TRIM5: variants seen among roughly 807,000 people sequenced by gnomAD.
The protein encoded by TRIM5 is tripartite motif containing 5.
In TRIM5, 31 loss-of-function variants were observed where a neutral mutation model predicts 35.6. The ratio of observed to expected loss-of-function variants is 0.87; its 90% CI spans 0.65 to 1.18. The LOEUF is 1.18. TRIM5 is among the 50% of genes most tolerant of loss of function. TRIM5 has a pLI of 0.00. For synonymous variants in TRIM5, 243 were observed against 215.6 expected (o/e 1.13, Z -1.11); for missense variants, 609 against 591.6 (o/e 1.03, Z -0.31).
intron 4 of TRIM5, among the ~76,000 whole-genome samples, chr11:5,670,428 CA>C (rs771109437): frequency 6.6e-6 from 1 of 151,830 alleles, no homozygotes; most frequent in Non-Finnish European, 1.5e-5. Context: ...CTCGGCCTCC[CA>C]AAGTGCTAGG....
At chr11:5,639,498 GT>G in the TRIM5 span, among the ~76,000 whole-genome samples, 3 of 151,854 alleles carry the variant, frequency 2.0e-5, no homozygotes, top group Non-Finnish European at 4.4e-5. Flanking sequence ...GGCTAACACA[GT>G]GAAACCCCGT....
rs1327119287 is a variant in TRIM5 at position 5,684,857 on chromosome 11, G to A, written c.-62+11C>T. 6.6e-6 allele frequency: 1 copy of A among 152,290 alleles called. No homozygotes were observed. Among genetic ancestry groups the A allele is most frequent in the African/African-American group, 2.4e-5 (1 of 41,428 alleles). 9.4% of individuals were successfully genotyped at this position (152,290 alleles called of 1,614,324 possible). A position where few individuals can be genotyped will look rare whatever the true frequency, so the allele number is the denominator to read the frequency against. ...CACCCCCGCACAGCTTTTCAGATAAGTTAAACTCACCAAGGTAAATACAGT... is the reference window on the plus strand; with the variant it reads ...CACCCCCGCACAGCTTTTCAGATAAATTAAACTCACCAAGGTAAATACAGT... On this transcript the variant is annotated intron_variant, in intron 1 of 7. Coordinates refer to ENST00000380034, the MANE Select transcript of TRIM5 (RefSeq NM_033034.3).
In TRIM5 at chr11:5,665,005, A is replaced by G. The variant is rs1273258319; in HGVS notation, c.1286T>C (p.Leu429Pro). Residue 429 changes from leucine (L) to proline (P), a missense_variant, in exon 8 of 8, where the codon CTC becomes CCC. Transcript: ENST00000380034. ...ACGATCAGGACAAATAATCACAGAGAGGGGCACAATGAAAGGAACAGAAGG... is the reference window on the plus strand; with the variant it reads ...ACGATCAGGACAAATAATCACAGAGGGGGGCACAATGAAAGGAACAGAAGG... ...HTPSVPFIVP[L>P]SVIICPDRVG... 4 of 1,614,174 alleles carry G rather than the reference A, an allele frequency of 2.5e-6. No individual in the cohort carries two copies. Among genetic ancestry groups the G allele is most frequent in the Non-Finnish European group, 1.7e-6 (2 of 1,180,038 alleles).
chr11:5,619,022 A>G, the TRIM5 span, among the ~76,000 whole-genome samples: 1 of 152,236 alleles, frequency 6.6e-6, no homozygotes, highest in Admixed American at 6.5e-5. Flanking sequence ...GAATGTGTGA[A>G]TCAATGTATT....
chr11:5,655,949 A>G, the TRIM5 span, among the ~76,000 whole-genome samples: 1 of 152,208 alleles, frequency 6.6e-6, no homozygotes, highest in Non-Finnish European at 1.5e-5. Flanking sequence ...CTGGCTAGCC[A>G]TATGCAGAAA....
the TRIM5 span, among the ~76,000 whole-genome samples, chr11:5,620,200 C>G: frequency 2.7e-5 from 2 of 75,242 alleles, no homozygotes; most frequent in Non-Finnish European, 2.3e-5. Context: ...TTTGTTGAGA[C>G]TGAGTCTCAC....
At chr11:5,611,419 G>C in the TRIM5 span, 6 of 1,182,836 alleles carry the variant, frequency 5.1e-6, no homozygotes, top group African/African-American at 1.5e-5. Context: ...CTGATCTTCT[G>C]TTTTTCTGTG....
chr11:5,624,487 G>A, the TRIM5 span, among the ~76,000 whole-genome samples: 2 of 152,146 alleles, frequency 1.3e-5, no homozygotes, highest in African/African-American at 4.8e-5. Context: ...GGAGCTGAAG[G>A]ATAATTCAAA....
At chr11:5,682,850 T>C (rs556223030) in intron 1 of TRIM5, among the ~76,000 whole-genome samples, 2 of 151,940 alleles carry the variant, frequency 1.3e-5, no homozygotes, top group Non-Finnish European at 2.9e-5. Context: ...TTGGCGGCAC[T>C]TGAGGAGCTC....
At chr11:5,606,491 C>T in the TRIM5 span, among the ~76,000 whole-genome samples, 2 of 151,816 alleles carry the variant, frequency 1.3e-5, no homozygotes, top group African/African-American at 4.8e-5. Flanking sequence ...TTTCCTCTTG[C>T]TCCTTCTTTC....
the TRIM5 span, among the ~76,000 whole-genome samples, chr11:5,628,258 C>T: frequency 2.8e-4 from 42 of 152,312 alleles, no homozygotes; most frequent in African/African-American, 7.0e-4. Flanking sequence ...TGGAGCCCCC[C>T]GGTATTTCTA....
chr11:5,599,421 T>TTTATTTATTTA, the TRIM5 span, among the ~76,000 whole-genome samples: 3 of 77,038 alleles, frequency 3.9e-5, no homozygotes, highest in South Asian at 3.8e-4. Context: ...TTATTTATTT[T>TTTATTTATTTA]GAGACGGAGT....
the TRIM5 span, among the ~76,000 whole-genome samples, chr11:5,657,490 T>C: frequency 1.1e-3 from 92 of 81,366 alleles, no homozygotes; most frequent in African/African-American, 2.6e-3. Context: ...ATAATGCATT[T>C]ATATATATAT....
the TRIM5 span, among the ~76,000 whole-genome samples, chr11:5,631,169 T>C: frequency 3.3e-5 from 5 of 152,200 alleles, no homozygotes; most frequent in Non-Finnish European, 7.3e-5. Context: ...TGGGTTCCTA[T>C]CAACCTCTGT....
chr11:5,621,195 C>T, the TRIM5 span, among the ~76,000 whole-genome samples: 2 of 152,218 alleles, frequency 1.3e-5, no homozygotes, highest in Non-Finnish European at 2.9e-5. Context: ...CTCCAGGCTG[C>T]TGCACTCTCT....
At chr11:5,603,190 C>A in the TRIM5 span, 2 of 1,570,004 alleles carry the variant, frequency 1.3e-6, no homozygotes, top group South Asian at 2.4e-5. Flanking sequence ...GTCAGTATTC[C>A]CTTATTCTCC....
Position 5,665,103 on chromosome 11 carries a change from T to C in TRIM5, c.1188A>G (p.Lys396=), listed in dbSNP as rs761678590. Residue 396 remains lysine, a synonymous_variant, in exon 8 of 8, where the codon AAA becomes AAG. Coordinates refer to ENST00000380034, the MANE Select transcript of TRIM5 (RefSeq NM_033034.3). ...CTAACCCTATAACCCAGTAGCCGTA[T>C]TTAGGTTGATAATTTTCATTTTTTT... ...NIEKNENYQP[K]YGYWVIGLEE... 7 of 1,614,102 alleles carry C rather than the reference T, an allele frequency of 4.3e-6. No homozygotes were observed. Among genetic ancestry groups the C allele is most frequent in the East Asian group, 2.2e-5 (1 of 44,876 alleles).
chr11:5,645,141 C>A, the TRIM5 span, among the ~76,000 whole-genome samples: 1 of 152,190 alleles, frequency 6.6e-6, no homozygotes, highest in African/African-American at 2.4e-5. Context: ...GGATCCCAGC[C>A]AGCACTTTGG....
chr11:5,667,136 C>A (rs900367678), intron 5 of TRIM5, among the ~76,000 whole-genome samples: 1 of 152,280 alleles, frequency 6.6e-6, no homozygotes, highest in East Asian at 1.9e-4. Flanking sequence ...GACCCACACT[C>A]CGAGTCTCCA....
Sources: allele counts gnomAD v4.1 joint callset (sites outside exome capture counted in the v4.1 genomes callset), GRCh38; gene constraint gnomAD v4.1.1; transcripts MANE v1.5; gene names NCBI Gene and HGNC (gene_info 2026-07-23, HGNC 2026-07-21).